FANCA: variants seen among roughly 807,000 people sequenced by gnomAD.
FANCA encodes FA complementation group A.
FANCA carries 236 observed loss-of-function variants against 194.3 expected under a neutral mutation model. The observed-to-expected ratio is 1.21, with a 90% CI of 1.09 to 1.35. The LOEUF is 1.35. Ranked by LOEUF, FANCA falls within the 40% of genes most tolerant of loss-of-function variation. The probability of loss-of-function intolerance (pLI) is 0.00; values close to 1 mark genes in which losing one functional copy is unlikely to be tolerated. For missense variants in FANCA, 2,628 were observed against 1,813.9 expected (o/e 1.45, Z -8.15); for synonymous variants, 1,014 against 715.8 (o/e 1.42, Z -6.65).
chr16:89,753,809 C>G (rs1458962219), intron 30 of FANCA, among the ~76,000 whole-genome samples: 2 of 152,182 alleles, frequency 1.3e-5, no homozygotes, highest in Non-Finnish European at 2.9e-5. Flanking sequence ...AATCCCAGCA[C>G]TTTGGGAGGC....
At position 89,762,686 on chromosome 16, in the gene FANCA, G is replaced by A; in HGVS notation, c.2779-664C>T. The A allele has an allele frequency of 2.1e-5, 9 of 421,884 alleles. 1 individual carries two copies. The highest frequency in any genetic ancestry group is 1.5e-4 in the South Asian group (9 of 60,396). 26.1% of individuals were successfully genotyped at this position (421,884 alleles called of 1,614,324 possible). Reference sequence around the variant, plus strand: ...TTCTGTTGCCCAGGCTGGAGTGTGTGCAGTGGTGCAATCGTAGCTCGCTGC... The same window carrying A: ...TTCTGTTGCCCAGGCTGGAGTGTGTACAGTGGTGCAATCGTAGCTCGCTGC... On this transcript the variant is annotated intron_variant, in intron 28 of 42. Coordinates refer to ENST00000389301, the MANE Select transcript of FANCA (RefSeq NM_000135.4).
intron 39 of FANCA, 82 bp downstream of exon 39, chr16:89,739,912 G>A: frequency 3.8e-6 from 6 of 1,591,518 alleles, no homozygotes; most frequent in South Asian, 3.4e-5. Flanking sequence ...GAACCTCAAG[G>A]AGGGCTCGTT....
chr16:89,791,767 G>C, intron 13 of FANCA, 160 bp downstream of exon 13: 1 of 1,026,772 alleles, frequency 9.7e-7, no homozygotes, highest in South Asian at 1.4e-5. Context: ...GCTTATGGAA[G>C]CGTCTGACAA....
At chr16:89,774,729 CAAAAAA>C (rs780078944) in intron 21 of FANCA, among the ~76,000 whole-genome samples, 15 of 22,196 alleles carry the variant, frequency 6.8e-4, no homozygotes, top group South Asian at 3.6e-3. Flanking sequence ...GACTCTGTCT[CAAAAAA>C]AAAAAAAAAA....
chr16:89,775,970 A>T (rs963354984), intron 20 of FANCA, among the ~76,000 whole-genome samples, 155 bp from the exon 21 acceptor site: 1 of 151,702 alleles, frequency 6.6e-6, no homozygotes, highest in Non-Finnish European at 1.5e-5. Flanking sequence ...AAAAAATATT[A>T]AAAAATATAT....
chr16:89,751,570 T>G (rs1002560561), intron 31 of FANCA, among the ~76,000 whole-genome samples: 1 of 150,674 alleles, frequency 6.6e-6, no homozygotes, highest in Non-Finnish European at 1.5e-5. Flanking sequence ...GGCTAAGGAG[T>G]TGGGAGGCCC....
At position 89,769,821 on chromosome 16, in the gene FANCA, T is replaced by C. The variant is rs1012147159; in HGVS notation, c.2504+16A>G. The C allele has an allele frequency of 1.9e-6, 3 of 1,613,858 alleles. No individual in the cohort carries two copies. Among genetic ancestry groups the C allele is most frequent in the Non-Finnish European group, 2.5e-6 (3 of 1,179,930 alleles). ...AGAGAGAGGAGAGAAGACGCGACTG[T>C]GGAAGAAGAGCTCACTTCAGGCAGA... On this transcript the variant is annotated intron_variant, in intron 26 of 42. Transcript: ENST00000389301.
chr16:89,779,819 G>A lies in FANCA; in HGVS notation c.1715+50C>T, dbSNP rs372049585. ...GCACATACTGCAGGCATCAGAGCGC[G>A]GTCTGCACACACTGCAGCTGCTAGA... On this transcript the variant is annotated intron_variant, in intron 18 of 42. Transcript: ENST00000389301. The A allele has an allele frequency of 5.2e-5, 77 of 1,485,356 alleles. No homozygotes were observed. The African/African-American group carries it at 5.7e-4, about 11-fold the overall frequency. 92.0% of individuals were successfully genotyped at this position (1,485,356 alleles called of 1,614,324 possible).
rs1443709543 is a variant in FANCA at position 89,810,919 on chromosome 16, G to A, written c.426+10C>T. ...ACGGGCAGGTTTCCTCATCTTTGCTGGTGTCTTACTCTCTGCTCCACAGTC... is the reference window on the plus strand; with the variant it reads ...ACGGGCAGGTTTCCTCATCTTTGCTAGTGTCTTACTCTCTGCTCCACAGTC... On this transcript the variant is annotated intron_variant, in intron 4 of 42. Transcript: ENST00000389301. 6.2e-7 allele frequency: 1 copy of A among 1,614,138 alleles called. No homozygotes were observed. The highest frequency in any genetic ancestry group is 2.2e-5 in the East Asian group (1 of 44,888).
chr16:89,783,981 G>C (rs573146534), intron 15 of FANCA, among the ~76,000 whole-genome samples: 1 of 151,984 alleles, frequency 6.6e-6, no homozygotes, highest in Non-Finnish European at 1.5e-5. Flanking sequence ...GGCTGGTCTC[G>C]AACTCCTGAC....
intron 10 of FANCA, chr16:89,798,897 C>G: frequency 6.3e-7 from 1 of 1,587,230 alleles, no homozygotes; most frequent in South Asian, 1.1e-5. Flanking sequence ...GTGAGTGGGA[C>G]AAACATTGGT....
intron 38 of FANCA, chr16:89,740,301 C>T (rs1223906924): frequency 3.3e-6 from 2 of 599,310 alleles, no homozygotes; most frequent in Non-Finnish European, 6.0e-6. Context: ...CTTCGAGCAC[C>T]CACACCAAGG....
intron 13 of FANCA, 85 bp downstream of exon 13, chr16:89,791,842 G>A: frequency 6.5e-7 from 1 of 1,545,548 alleles, no homozygotes. Flanking sequence ...TCACTGAGAG[G>A]CTCACCCACA....
intron 29 of FANCA, 134 bp downstream of exon 29, chr16:89,761,815 G>T: frequency 2.7e-6 from 2 of 744,496 alleles, no homozygotes; most frequent in Non-Finnish European, 4.8e-6. Context: ...TTGTAGAAAT[G>T]GAGTTTCCCC....
chr16:89,744,780 C>A lies in FANCA; in HGVS notation c.3626+179G>T, dbSNP rs766415730. 1.0e-4 allele frequency: 69 copies of A among 669,272 alleles called. No homozygotes were observed. The Middle Eastern group carries it at 1.1e-3, about 11-fold the overall frequency. The allele number at this position is 669,272 out of a possible 1,614,324, so 41.5% of individuals were successfully genotyped here. The stretch of plus-strand genomic sequence containing the variant: ...CAACTGATTCTCCTGCCTCGGCCTC[C>A]CCAGTAGTTGGGATTACAGGCGCCC... On this transcript the variant is annotated intron_variant, in intron 36 of 42. Transcript: ENST00000389301.
At chr16:89,763,761 C>T (rs537683838) in intron 28 of FANCA, among the ~76,000 whole-genome samples, 1 of 151,370 alleles carries the variant, frequency 6.6e-6, no homozygotes, top group African/African-American at 2.4e-5. Flanking sequence ...GGTGAAACCC[C>T]ATCTCTACTA....
Position 89,770,606 on chromosome 16 carries a change from C to T in FANCA, c.2180G>A (p.Cys727Tyr), listed in dbSNP as rs1425954290. The T allele has an allele frequency of 1.2e-6, 2 of 1,611,580 alleles. No individual in the cohort carries two copies. Residue 727 changes from cysteine to tyrosine, a missense_variant, in exon 24 of 43, where the codon TGT becomes TAT. Transcript: ENST00000389301. ...ACTGGAGGCAGCCATCAGGTTCTGA[C>T]AGAAAGACGTCAGCAGGAGGTCCAC... ...MAVDLLLTSF[C>Y]QNLMAASSVA...
At chr16:89,748,907 C>A (rs2038484265) in intron 32 of FANCA, 140 bp from the exon 33 acceptor site, 2 of 729,514 alleles carry the variant, frequency 2.7e-6, no homozygotes, top group African/African-American at 3.5e-5. Context: ...CTGTGTCCCT[C>A]TGTCCCATCC....
intron 17 of FANCA, among the ~76,000 whole-genome samples, chr16:89,780,741 C>T (rs2039672348): frequency 6.6e-6 from 1 of 151,842 alleles, no homozygotes; most frequent in Non-Finnish European, 1.5e-5. Flanking sequence ...CCAGTCTCGG[C>T]CACACAGGGA....
Sources: allele counts gnomAD v4.1 joint callset (sites outside exome capture counted in the v4.1 genomes callset), GRCh38; gene constraint gnomAD v4.1.1; transcripts MANE v1.5; gene names NCBI Gene and HGNC (gene_info 2026-07-23, HGNC 2026-07-21).